Variants in KLK2 observed in about 807,000 individuals in gnomAD.
KLK2 encodes the protein kallikrein-2.
A neutral mutation model predicts 23.0 loss-of-function variants in KLK2; 17 were observed. The observed-to-expected ratio is 0.74, with a 90% CI of 0.51 to 1.11. The LOEUF is 1.11. KLK2 is among the 50% of genes least tolerant of loss of function. KLK2 has a pLI of 0.00. For missense variants in KLK2, 330 were observed against 325.9 expected, an observed-to-expected ratio of 1.01 and a Z score of -0.10; for synonymous variants, 140 against 124.7, an observed-to-expected ratio of 1.12 and a Z score of -0.82.
chr19:50,880,038 A>G lies in KLK2; in HGVS notation c.*1479A>G, dbSNP rs1157888230. On this transcript the variant is annotated 3_prime_UTR_variant, in exon 5 of 5. Transcript: ENST00000325321. ...CAAAGAAGAATCCAGAAATAGGGGC[A>G]CATTGAGGAATGATACTGAGCCCAA... is the stretch of plus-strand genomic sequence containing the variant. The G allele has an allele frequency of 4.4e-6, 1 of 229,470 alleles. No individual in the cohort carries two copies. Among genetic ancestry groups the G allele is most frequent in the Non-Finnish European group, 8.6e-6 (1 of 115,864 alleles). The allele number at this position is 229,470 out of a possible 1,614,324, so 14.2% of individuals were successfully genotyped here. A position where few individuals can be genotyped will look rare whatever the true frequency, so the allele number is the denominator to read the frequency against.
chr19:50,876,004 C>T (rs2090283390), intron 2 of KLK2: 1 of 179,622 alleles, frequency 5.6e-6, no homozygotes, highest in Admixed American at 5.5e-5. Flanking sequence ...GCCCCCGTGG[C>T]CTCCCTCCTT....
At chr19:50,877,630 C>A in intron 4 of KLK2, 1 of 158,720 alleles carries the variant, frequency 6.3e-6, no homozygotes, top group Admixed American at 6.1e-5. Flanking sequence ...GCGAGATGGC[C>A]TCACACAGGG....
chr19:50,874,049 A>AC (rs1427670798), intron 1 of KLK2: 1 of 153,334 alleles, frequency 6.5e-6, no homozygotes, highest in Non-Finnish European at 1.4e-5. Context: ...GCTGCCTCCC[A>AC]CCCTGAGTCT....
At chr19:50,874,588 G>T in intron 1 of KLK2, 133 bp from the exon 2 acceptor site, 1 of 678,460 alleles carries the variant, frequency 1.5e-6, no homozygotes, top group African/African-American at 1.8e-5. Context: ...AGCCCTCCCA[G>T]GACCCCTTGC....
chr19:50,873,583 C>T, intron 1 of KLK2, 64 bp downstream of exon 1: 2 of 1,191,234 alleles, frequency 1.7e-6, no homozygotes, highest in Non-Finnish European at 2.4e-6. Context: ...CCCTTTTCCT[C>T]CCACCCAGTG....
Position 50,878,503 on chromosome 19 carries a change from A to T in KLK2, c.730A>T (p.Thr244Ser), listed in dbSNP as rs1324557261. 1 of 1,613,928 alleles carries T rather than the reference A, an allele frequency of 6.2e-7. No homozygotes were observed. Among genetic ancestry groups the T allele is most frequent in the South Asian group, 1.1e-5 (1 of 91,078 alleles). ...CALPEKPAVYTKVVHYRKWIK... is the reference protein window; with the variant it reads ...CALPEKPAVYSKVVHYRKWIK... ...CCTGCCTGAAAAGCCTGCTGTGTAC[A>T]CCAAGGTGGTGCATTACCGGAAGTG... The change falls in exon 5 of 5, where the codon ACC becomes TCC. Residue 244 changes from threonine (T) to serine (S), a missense_variant. By Grantham distance (58) the Thr-to-Ser change is moderately conservative (BLOSUM62 1). Transcript: ENST00000325321.
chr19:50,877,366 A>G lies in KLK2; in HGVS notation c.630+358A>G, dbSNP rs1210556815. On this transcript the variant is annotated intron_variant, in intron 4 of 4. Transcript: ENST00000325321. The stretch of plus-strand genomic sequence containing the variant: ...GGCACTGGCAGGAACAGTGGACCCA[A>G]CATGGAAATGCTGGAGGGTGTCAGG... 3 of 307,870 alleles carry G rather than the reference A, an allele frequency of 9.7e-6. No homozygotes were observed. In the East Asian group the frequency reaches 2.0e-4, roughly 21 times the overall value. The allele number at this position is 307,870 out of a possible 1,614,324, so 19.1% of individuals were successfully genotyped here. A position where few individuals can be genotyped will look rare whatever the true frequency, so the allele number is the denominator to read the frequency against.
Position 50,874,729 on chromosome 19 carries a change from C to A in KLK2, c.55C>A (p.Pro19Thr), listed in dbSNP as rs2090264493. The change falls in exon 2 of 5, where the codon CCC (proline) becomes ACC (threonine). Residue 19 changes from proline to threonine, a missense_variant. Coordinates refer to ENST00000325321, the MANE Select transcript of KLK2 (RefSeq NM_005551.5). ...CAGCACCCCCTCCGCAGGTGCCGTG[C>A]CCCTCATCCAGTCTCGGATTGTGGG... ...ALSVGCTGAVPLIQSRIVGGW... is the reference protein window; with the variant it reads ...ALSVGCTGAVTLIQSRIVGGW... 5 of 1,610,346 alleles carry A rather than the reference C, an allele frequency of 3.1e-6. No homozygotes were observed. The highest frequency in any genetic ancestry group is 1.3e-5 in the African/African-American group (1 of 74,872).
rs2090318076 is a variant in KLK2, at chr19:50,879,073, G to T, written c.*514G>T. On this transcript the variant is annotated 3_prime_UTR_variant, in exon 5 of 5. Transcript: ENST00000325321. ...GGAAGCCTAGATAAGGCCGTGAGCAGAAAGAAGGGGAGGATCCTCCTATGT... is the reference window on the plus strand; with the variant it reads ...GGAAGCCTAGATAAGGCCGTGAGCATAAAGAAGGGGAGGATCCTCCTATGT... The T allele has an allele frequency of 8.6e-6, 2 of 233,252 alleles. No individual in the cohort carries two copies. The highest frequency in any genetic ancestry group is 1.7e-5 in the Non-Finnish European group (2 of 118,162). The allele number at this position is 233,252 out of a possible 1,614,324, so 14.4% of individuals were successfully genotyped here.
rs1414420068 is a variant in KLK2, at chr19:50,878,538, C to T, written c.765C>T (p.Asp255=). ...TGCATTACCGGAAGTGGATCAAGGA[C>T]ACCATCGCAGCCAACCCCTGAGTGC... ...KVVHYRKWIK[D]TIAANP is the part of the protein sequence containing the mutation. The change falls in exon 5 of 5, where the codon GAC becomes GAT. Residue 255 remains aspartate, a synonymous_variant. Transcript: ENST00000325321. 1 of 1,613,738 alleles carries T rather than the reference C, an allele frequency of 6.2e-7. No homozygotes were observed. Among genetic ancestry groups the T allele is most frequent in the East Asian group, 2.2e-5 (1 of 44,872 alleles).
chr19:50,877,149 C>A, intron 4 of KLK2, 141 bp downstream of exon 4: 1 of 1,031,720 alleles, frequency 9.7e-7, no homozygotes, highest in Non-Finnish European at 1.5e-6. Flanking sequence ...GCCTCATCTG[C>A]CGCCCTCCTT....
At position 50,880,491 on chromosome 19, in the gene KLK2, T is replaced by C. The variant is rs2090333015; in HGVS notation, c.*1932T>C. 9.2e-6 allele frequency: 2 copies of C among 217,512 alleles called. No individual in the cohort carries two copies. The highest frequency in any genetic ancestry group is 1.9e-4 in the South Asian group (1 of 5,380). 13.5% of individuals were successfully genotyped at this position (217,512 alleles called of 1,614,324 possible). A position where few individuals can be genotyped will look rare whatever the true frequency, so the allele number is the denominator to read the frequency against. On this transcript the variant is annotated 3_prime_UTR_variant, in exon 5 of 5. Coordinates refer to ENST00000325321, the MANE Select transcript of KLK2 (RefSeq NM_005551.5). ...CCTTTCCCAGTGGGTGTGGGACATA[T>C]CTGGCAAGATTTTGTGGCACTCCTG...
rs964345538 is a variant in KLK2 at position 50,880,309 on chromosome 19, T to C, written c.*1750T>C. On this transcript the variant is annotated 3_prime_UTR_variant, in exon 5 of 5. Transcript: ENST00000325321. ...CAAGGACTGTTAGAGGCAGGCTTTATAGTAACAAGACGGTGGGGCAAACTC... is the reference window on the plus strand; with the variant it reads ...CAAGGACTGTTAGAGGCAGGCTTTACAGTAACAAGACGGTGGGGCAAACTC... The C allele has an allele frequency of 6.1e-5, 14 of 228,182 alleles. No homozygotes were observed. The highest frequency in any genetic ancestry group is 2.9e-4 in the African/African-American group (13 of 45,030). 14.1% of individuals were successfully genotyped at this position (228,182 alleles called of 1,614,324 possible). A position where few individuals can be genotyped will look rare whatever the true frequency, so the allele number is the denominator to read the frequency against.
rs1006776866 is a variant in KLK2 at position 50,880,138 on chromosome 19, T to C, written c.*1579T>C. 1 of 229,480 alleles carries C rather than the reference T, an allele frequency of 4.4e-6. No homozygotes were observed. Among genetic ancestry groups the C allele is most frequent in the Non-Finnish European group, 8.6e-6 (1 of 115,734 alleles). The allele number at this position is 229,480 out of a possible 1,614,324, so 14.2% of individuals were successfully genotyped here. Reference sequence around the variant, plus strand: ...GGGAGGGATTACCACCCTGGGGTTATGAAGATGGTTGAACACCCCACACAT... The same window carrying C: ...GGGAGGGATTACCACCCTGGGGTTACGAAGATGGTTGAACACCCCACACAT... On this transcript the variant is annotated 3_prime_UTR_variant, in exon 5 of 5. Coordinates refer to ENST00000325321, the MANE Select transcript of KLK2 (RefSeq NM_005551.5).
chr19:50,876,952 G>C lies in KLK2; in HGVS notation c.574G>C (p.Val192Leu), dbSNP rs1192445976. Residue 192 changes from valine (V) to leucine (L), a missense_variant, in exon 4 of 5, where the codon GTG (valine) becomes CTG (leucine). Physicochemically the swap from Val to Leu is conservative, Grantham distance 32. Transcript: ENST00000325321. Reference sequence around the variant, plus strand: ...GTGTGCTAGAGCTTACTCTGAGAAGGTGACAGAGTTCATGTTGTGTGCTGG... The same window carrying C: ...GTGTGCTAGAGCTTACTCTGAGAAGCTGACAGAGTTCATGTTGTGTGCTGG... Reference protein sequence around the residue: ...DMCARAYSEKVTEFMLCAGLW... With the variant: ...DMCARAYSEKLTEFMLCAGLW... 1 of 1,614,054 alleles carries C rather than the reference G, an allele frequency of 6.2e-7. No homozygotes were observed. Among genetic ancestry groups the C allele is most frequent in the Non-Finnish European group, 8.5e-7 (1 of 1,179,908 alleles).
At chr19:50,878,196 C>A (rs1410081351) in intron 4 of KLK2, among the ~76,000 whole-genome samples, 1 of 152,208 alleles carries the variant, frequency 6.6e-6, no homozygotes, top group African/African-American at 2.4e-5. Flanking sequence ...GAAGTCCCCT[C>A]CCCATAGGCC....
chr19:50,873,875 C>G (rs1413072812), intron 1 of KLK2: 1 of 290,590 alleles, frequency 3.4e-6, no homozygotes, highest in East Asian at 7.5e-5. Flanking sequence ...CTCCTGAGCC[C>G]CTCAGTCCTA....
At position 50,879,422 on chromosome 19, in the gene KLK2, TC is replaced by T. The variant is rs976711258; in HGVS notation, c.*865del. 3.4e-5 allele frequency: 8 copies of T among 232,464 alleles called. No homozygotes were observed. The highest frequency in any genetic ancestry group is 1.8e-4 in the African/African-American group (8 of 45,270). The allele number at this position is 232,464 out of a possible 1,614,324, so 14.4% of individuals were successfully genotyped here. A position where few individuals can be genotyped will look rare whatever the true frequency, so the allele number is the denominator to read the frequency against. Reference sequence around the variant, plus strand: ...TGAGGACCTTGTGGAGTGTAGCTGATCCAGCTGATAGAGGAACTAGCCAGGT... The same window carrying T: ...TGAGGACCTTGTGGAGTGTAGCTGATCAGCTGATAGAGGAACTAGCCAGGT... On this transcript the variant is annotated 3_prime_UTR_variant, in exon 5 of 5. Coordinates refer to ENST00000325321, the MANE Select transcript of KLK2 (RefSeq NM_005551.5).
rs760976334 is a variant in KLK2, at chr19:50,878,414, G to A, written c.641G>A (p.Gly214Glu). 1 of 1,613,098 alleles carries A rather than the reference G, an allele frequency of 6.2e-7. No homozygotes were observed. The highest frequency in any genetic ancestry group is 8.5e-7 in the Non-Finnish European group (1 of 1,179,348). Residue 214 changes from glycine to glutamate, a missense_variant, in exon 5 of 5, where the codon GGG (glycine) becomes GAG (glutamate). By Grantham distance (98) the Gly-to-Glu change is moderately conservative. Coordinates refer to ENST00000325321, the MANE Select transcript of KLK2 (RefSeq NM_005551.5). ...CTCCTTTACCCTTAGGGTGATTCTGGGGGTCCACTTGTCTGTAATGGTGTG... is the reference window on the plus strand; with the variant it reads ...CTCCTTTACCCTTAGGGTGATTCTGAGGGTCCACTTGTCTGTAATGGTGTG... The part of the protein sequence containing the change: ...GGKDTCGGDS[G>E]GPLVCNGVLQ...
Sources: gnomAD v4.1 joint callset for allele counts (sites outside exome capture counted in the v4.1 genomes callset) on GRCh38, gnomAD v4.1.1 for gene constraint, MANE v1.5 for transcripts, NCBI Gene and HGNC (gene_info 2026-07-23, HGNC 2026-07-21) for gene names.